ADCY4: variants seen among roughly 807,000 people sequenced by gnomAD.
ADCY4 encodes adenylate cyclase 4, also known as adenylate cyclase type 4.
A neutral mutation model predicts 125.5 loss-of-function variants in ADCY4; 111 were observed. The ratio of observed to expected loss-of-function variants is 0.88; its 90% CI spans 0.76 to 1.04. ADCY4 has a LOEUF of 1.04. ADCY4 is among the 50% of genes least tolerant of loss of function. The pLI is 0.00. For synonymous variants in ADCY4, 576 were observed against 586.9 expected (o/e 0.98, Z 0.27); for missense variants, 1,256 against 1,382.9 (o/e 0.91, Z 1.46).
chr14:24,326,042 G>A (rs758584375), intron 12 of ADCY4, 37 bp downstream of exon 12: 1 of 1,571,010 alleles, frequency 6.4e-7, no homozygotes, highest in Admixed American at 1.8e-5. Flanking sequence ...ATGACCTCAG[G>A]GCCTGCGGCC....
chr14:24,329,798 T>C (rs1460518027), intron 8 of ADCY4, 62 bp downstream of exon 8: 19 of 1,574,754 alleles, frequency 1.2e-5, no homozygotes, highest in Non-Finnish European at 1.5e-5. Context: ...AATGAAAGGA[T>C]GGCAGCCTGT....
chr14:24,332,589 G>T lies in ADCY4; in HGVS notation c.452C>A (p.Ser151Ter). The T allele has an allele frequency of 1.9e-6, 3 of 1,578,914 alleles. No individual in the cohort carries two copies. Among genetic ancestry groups the T allele is most frequent in the East Asian group, 2.3e-5 (1 of 43,362 alleles). ...ATACAGCCCGAGGACCAGCAGATGC[G>T]AGAGTGAGGAGGCGAGGCCCGCGAC... is the stretch of plus-strand genomic sequence containing the variant. ...AAVAGLASSL[S>*]HLLVLGLYLG... The change falls in exon 3 of 25, where the codon TCG becomes TAG. Residue 151 changes from serine (S) to a stop codon, truncating the protein, a stop_gained. Coordinates refer to ENST00000418030, the MANE Select transcript of ADCY4 (RefSeq NM_001198568.2). LOFTEE classifies it high-confidence loss of function.
chr14:24,331,633 A>G (rs1019306011), intron 4 of ADCY4, 155 bp downstream of exon 4: 2 of 1,199,982 alleles, frequency 1.7e-6, no homozygotes, highest in Admixed American at 3.0e-5. Context: ...GAGCCTCACA[A>G]CCTTCTAAGA....
In ADCY4 at chr14:24,318,664, C is replaced by T; in HGVS notation, c.3071G>A (p.Gly1024Asp). The T allele has an allele frequency of 6.2e-7, 1 of 1,614,122 alleles. No individual in the cohort carries two copies. Among genetic ancestry groups the T allele is most frequent in the Non-Finnish European group, 8.5e-7 (1 of 1,180,010 alleles). The change falls in exon 24 of 25, where the codon GGC becomes GAC. Residue 1024 changes from glycine (G) to aspartate (D), a missense_variant. Transcript: ENST00000418030. ...ASRMESTGVL[G>D]KIQVTEETAW... Reference sequence around the variant, plus strand: ...ATGTGGTTCCCTCACTTGGATTTTGCCAAGGACTCCTGTACTCTCCATGCG... The same window carrying T: ...ATGTGGTTCCCTCACTTGGATTTTGTCAAGGACTCCTGTACTCTCCATGCG...
chr14:24,331,394 C>T (rs1364021239), intron 4 of ADCY4, 38 bp from the exon 5 acceptor site: 3 of 1,609,884 alleles, frequency 1.9e-6, no homozygotes, highest in Non-Finnish European at 2.5e-6. Context: ...TCTTCTGCAC[C>T]CTAAAGCCAG....
chr14:24,334,467 C>T (rs777646707), intron 1 of ADCY4, 27 bp downstream of exon 1: 10 of 1,567,640 alleles, frequency 6.4e-6, no homozygotes, highest in Middle Eastern at 1.7e-4. Context: ...CAGGTAGAGA[C>T]CCTCCCGCAG....
chr14:24,318,840 G>T, intron 23 of ADCY4, 62 bp from the exon 24 acceptor site: 2 of 1,606,508 alleles, frequency 1.2e-6, no homozygotes, highest in Non-Finnish European at 1.7e-6. Context: ...AAGCCACAAG[G>T]AACTGGAAGG....
chr14:24,332,152 C>G (rs1394158024), intron 3 of ADCY4: 8 of 539,142 alleles, frequency 1.5e-5, no homozygotes, highest in Non-Finnish European at 2.4e-5. Flanking sequence ...CCAACACGAC[C>G]TCTTAGGTCT....
chr14:24,329,398 T>A lies in ADCY4; in HGVS notation c.1350+3A>T, dbSNP rs1257408477. ...GCCCATGGGGTCTGGGCTGGGCTTT[T>A]ACCCGTGGATCGATGACCAGATAGG... On this transcript the variant is annotated splice_donor_region_variant and intron_variant, in intron 9 of 24. Transcript: ENST00000418030. The A allele has an allele frequency of 6.5e-7, 1 of 1,549,576 alleles. No homozygotes were observed. Among genetic ancestry groups the A allele is most frequent in the East Asian group, 2.2e-5 (1 of 44,456 alleles).
chr14:24,333,177 A>G (rs996315772), intron 1 of ADCY4, among the ~76,000 whole-genome samples, 189 bp from the exon 2 acceptor site: 2 of 141,470 alleles, frequency 1.4e-5, no homozygotes, highest in Non-Finnish European at 1.6e-5. Context: ...CTTGTGTCCT[A>G]CTGCTTTTAT....
intron 17 of ADCY4, 72 bp downstream of exon 17, chr14:24,323,272 A>C (rs750845344): frequency 1.4e-6 from 2 of 1,463,648 alleles, no homozygotes; most frequent in African/African-American, 2.8e-5. Flanking sequence ...GCGTTCCTCC[A>C]CTCAGGGGGC....
At chr14:24,322,485 T>A in intron 19 of ADCY4, 139 bp downstream of exon 19, 1 of 970,590 alleles carries the variant, frequency 1.0e-6, no homozygotes, top group Non-Finnish European at 1.5e-6. Context: ...GGGCAGGGAG[T>A]GAAGGAGAAG....
intron 3 of ADCY4, 160 bp downstream of exon 3, chr14:24,332,362 G>A (rs564726342): frequency 2.9e-5 from 23 of 787,092 alleles, no homozygotes; most frequent in Non-Finnish European, 4.3e-5. Context: ...AGCAGGCATT[G>A]CATCACACTG....
At chr14:24,324,843 A>G (rs1382054428) in intron 14 of ADCY4, among the ~76,000 whole-genome samples, 1 of 152,014 alleles carries the variant, frequency 6.6e-6, no homozygotes, top group Admixed American at 6.5e-5. Context: ...AGCTGGGATT[A>G]CAGGCGCCTG....
In ADCY4 at chr14:24,331,131, T is replaced by C. The variant is rs1351050803; in HGVS notation, c.819-2A>G. 2 of 1,612,478 alleles carry C rather than the reference T, an allele frequency of 1.2e-6. No individual in the cohort carries two copies. Among genetic ancestry groups the C allele is most frequent in the Middle Eastern group, 1.7e-4 (1 of 6,052 alleles). On this transcript the variant is annotated splice_acceptor_variant, in intron 5 of 24. Transcript: ENST00000418030. LOFTEE classifies it high-confidence loss of function. ...CCCACGATGTCAGCATACAGCACGC[T>C]GCATAGGGCAGACTGTGTCAGCAGG...
rs1226229296 is a variant in ADCY4 at position 24,330,441 on chromosome 14, T to C, written c.931-146A>G. On this transcript the variant is annotated intron_variant, in intron 6 of 24. Transcript: ENST00000418030. Reference sequence around the variant, plus strand: ...TCTAGATCAGATCTAGGGACTCCTTTCACTTGATATGGGGCTAACTGTCTT... The same window carrying C: ...TCTAGATCAGATCTAGGGACTCCTTCCACTTGATATGGGGCTAACTGTCTT... 5.7e-6 allele frequency: 6 copies of C among 1,060,700 alleles called. No homozygotes were observed. In the African/African-American group the frequency reaches 7.9e-5, roughly 14 times the overall value. 65.7% of individuals were successfully genotyped at this position (1,060,700 alleles called of 1,614,324 possible).
At chr14:24,326,206 A>G (rs767719920) in intron 11 of ADCY4, 41 bp from the exon 12 acceptor site, 1 of 1,612,370 alleles carries the variant, frequency 6.2e-7, no homozygotes, top group Non-Finnish European at 8.5e-7. Context: ...AGAGACCCTC[A>G]GAGCGTCTGG....
Position 24,318,794 on chromosome 14 carries a change from G to T in ADCY4, c.2957-16C>A. On this transcript the variant is annotated splice_polypyrimidine_tract_variant and intron_variant, in intron 23 of 24. Transcript: ENST00000418030. Reference sequence around the variant, plus strand: ...TGGTTCAACCCTAATGAGGGATGTGGTAATGACAGACTTGGAGAAGGAAGA... The same window carrying T: ...TGGTTCAACCCTAATGAGGGATGTGTTAATGACAGACTTGGAGAAGGAAGA... 6.2e-7 allele frequency: 1 copy of T among 1,614,014 alleles called. No individual in the cohort carries two copies. Among genetic ancestry groups the T allele is most frequent in the Non-Finnish European group, 8.5e-7 (1 of 1,179,932 alleles).
chr14:24,322,271 G>A, intron 19 of ADCY4, 47 bp from the exon 20 acceptor site: 2 of 1,575,184 alleles, frequency 1.3e-6, no homozygotes, highest in Middle Eastern at 1.8e-4. Context: ...AGCAGGGGAA[G>A]CCCAGCTCCT....
Sources: gnomAD v4.1 joint callset for allele counts (sites outside exome capture counted in the v4.1 genomes callset) on GRCh38, gnomAD v4.1.1 for gene constraint, MANE v1.5 for transcripts, NCBI Gene and HGNC (gene_info 2026-07-23, HGNC 2026-07-21) for gene names.